IRF5: variants seen among roughly 807,000 people sequenced by gnomAD.
IRF5 encodes interferon regulatory factor 5.
In IRF5, 24 loss-of-function variants were observed where a neutral mutation model predicts 55.1. The ratio of observed to expected loss-of-function variants is 0.44; its 90% CI spans 0.32 to 0.61. The LOEUF is 0.61. Ranked by LOEUF, IRF5 falls within the 20% of genes least tolerant of loss-of-function variation. The probability of loss-of-function intolerance (pLI) is 0.07; values close to 1 mark genes in which losing one functional copy is unlikely to be tolerated. For synonymous variants in IRF5, 258 were observed against 260.2 expected, an observed-to-expected ratio of 0.99 and a Z score of 0.08; for missense variants, 499 against 658.5, an observed-to-expected ratio of 0.76 and a Z score of 2.65.
intron 2 of IRF5, among the ~76,000 whole-genome samples, chr7:128,945,288 A>G (rs1034120480): frequency 3.3e-5 from 5 of 152,096 alleles, no homozygotes; most frequent in East Asian, 1.9e-4. Context: ...AATTTTTTGT[A>G]AAGACAGGAG....
rs773857640 is a variant in IRF5 at position 128,942,455 on chromosome 7, C to CA, written c.195+179_195+180insA. On this transcript the variant is annotated intron_variant, in intron 2 of 8. Transcript: ENST00000357234. ...CGTAGACACAGGGTACACCTTTTTCCTTTTTTTTTTTTTTTAAGACAGAGT... is the reference window on the plus strand; with the variant it reads ...CGTAGACACAGGGTACACCTTTTTCCATTTTTTTTTTTTTTTAAGACAGAGT... Among the ~76,000 whole-genome samples, 11 of 144,370 alleles carry CA rather than the reference C, an allele frequency of 7.6e-5. No individual in the cohort carries two copies. The East Asian group carries it at 2.2e-3, about 29-fold the overall frequency. 94.7% of individuals were successfully genotyped at this position (144,370 alleles called of 152,430 possible).
intron 2 of IRF5, among the ~76,000 whole-genome samples, chr7:128,944,847 C>G (rs1026441859): frequency 6.6e-6 from 1 of 152,226 alleles, no homozygotes; most frequent in African/African-American, 2.4e-5. Context: ...TCACCAGCCC[C>G]TCATTGATGG....
chr7:128,939,268 G>A (rs1321025035), intron 1 of IRF5, among the ~76,000 whole-genome samples: 1 of 152,134 alleles, frequency 6.6e-6, no homozygotes, highest in Non-Finnish European at 1.5e-5. Context: ...AAGAGTCAAG[G>A]GAAGCACTGG....
In IRF5 at chr7:128,949,783, TTAATA is replaced by T. The variant is rs752638628; in HGVS notation, c.*968_*972del. Reference sequence around the variant, plus strand: ...GTGCATGTAAATCATCCTGATATATTTAATATATTTATTATATTGTCCCCCGAGGT... The same window carrying T: ...GTGCATGTAAATCATCCTGATATATTTATTTATTATATTGTCCCCCGAGGT... On this transcript the variant is annotated 3_prime_UTR_variant, in exon 9 of 9. Transcript: ENST00000357234. 1.3e-5 allele frequency: 2 copies of T among 152,196 alleles called. No individual in the cohort carries two copies. Among genetic ancestry groups the T allele is most frequent in the Admixed American group, 6.5e-5 (1 of 15,278 alleles). 9.4% of individuals were successfully genotyped at this position (152,196 alleles called of 1,614,324 possible).
Position 128,946,405 on chromosome 7 carries a change from A to C in IRF5, c.386-96A>C. On this transcript the variant is annotated intron_variant, in intron 3 of 8. Coordinates refer to ENST00000357234, the MANE Select transcript of IRF5 (RefSeq NM_001098629.3). This position sits in a 1 kb window ranked among gnomAD's most constrained non-coding sequence, Gnocchi z 4.2. Reference sequence around the variant, plus strand: ...TGGGGGCAGCTTTGGGGAAGGCAGAAGCTGCATAGGAGCTACAGGCAGCCT... The same window carrying C: ...TGGGGGCAGCTTTGGGGAAGGCAGACGCTGCATAGGAGCTACAGGCAGCCT... The C allele has an allele frequency of 6.9e-7, 1 of 1,446,148 alleles. No homozygotes were observed. 89.6% of individuals were successfully genotyped at this position (1,446,148 alleles called of 1,614,324 possible).
At position 128,947,741 on chromosome 7, in the gene IRF5, A is replaced by G; in HGVS notation, c.800A>G (p.Glu267Gly). The G allele has an allele frequency of 6.2e-7, 1 of 1,607,592 alleles. No individual in the cohort carries two copies. The highest frequency in any genetic ancestry group is 8.5e-7 in the Non-Finnish European group (1 of 1,178,396). Residue 267 changes from glutamate to glycine, a missense_variant, in exon 7 of 9, where the codon GAG (glutamate) becomes GGG (glycine). Physicochemically the swap from Glu to Gly is moderately conservative, Grantham distance 98. Transcript: ENST00000357234. The surrounding 1 kb of genome is among the most constrained non-coding windows in gnomAD (Gnocchi z 6.5). ...SPHMLPLTDL[E>G]IKFQYRGRPP... is the part of the protein sequence containing the mutation. ...TTCTGCCCCACAGTGACCGACCTGG[A>G]GATCAAGTTTCAGTACCGGGGGCGG...
Position 128,947,404 on chromosome 7 carries a change from C to T in IRF5, c.656C>T (p.Pro219Leu), listed in dbSNP as rs1796375989. 2 of 1,610,742 alleles carry T rather than the reference C, an allele frequency of 1.2e-6. No homozygotes were observed. The highest frequency in any genetic ancestry group is 1.1e-5 in the South Asian group (1 of 90,776). ...PAPDPSPLAP[P>L]PGNPAGFREL... is the part of the protein sequence containing the mutation. The stretch of plus-strand genomic sequence containing the variant: ...CCAGACCCCAGCCCCCTGGCTCCTC[C>T]CCCTGGCAACCCTGCTGGCTTCAGG... Residue 219 changes from proline (P) to leucine (L), a missense_variant, in exon 6 of 9, where the codon CCC (proline) becomes CTC (leucine). Pro to Leu is a moderately conservative substitution (Grantham distance 98). Transcript: ENST00000357234. This position sits in a 1 kb window ranked among gnomAD's most constrained non-coding sequence, Gnocchi z 6.5.
Position 128,947,502 on chromosome 7 carries a change from C to T in IRF5, c.754C>T (p.Pro252Ser), listed in dbSNP as rs748171902. ...GCCCCCTGCAGGCGAACAGCTCCTG[C>T]CAGACCTGCTGATCAGCCCCCACAT... ...SLPPAGEQLL[P>S]DLLISPHMLP... Residue 252 changes from proline (P) to serine (S), a missense_variant, in exon 6 of 9, where the codon CCA (proline) becomes TCA (serine). This residue lies in a region of IRF5 where 305 missense variants were observed against 340.2 expected (regional missense o/e 0.90). Coordinates refer to ENST00000357234, the MANE Select transcript of IRF5 (RefSeq NM_001098629.3). This position sits in a 1 kb window ranked among gnomAD's most constrained non-coding sequence, Gnocchi z 6.5. The T allele has an allele frequency of 2.5e-6, 4 of 1,590,700 alleles. No individual in the cohort carries two copies. Among genetic ancestry groups the T allele is most frequent in the Middle Eastern group, 1.7e-4 (1 of 5,926 alleles).
upstream of IRF5, chr7:128,937,910 CCAGGGG>C (rs1795822381): frequency 6.6e-6 from 1 of 152,494 alleles, no homozygotes; most frequent in African/African-American, 2.4e-5. Context: ...CAGCAGCTGC[CCAGGGG>C]CGGGGGCGGC....
At chr7:128,943,707 ATTTTTTTTTTTTTTTTTTTTTTTTT>A (rs61451031) in intron 2 of IRF5, among the ~76,000 whole-genome samples, 1 of 71,948 alleles carries the variant, frequency 1.4e-5, no homozygotes, top group East Asian at 6.3e-4. Flanking sequence ...TGCCCGGCTA[ATTTTTTTTTTTTTTTTTTTTTTTTT>A]TTTTTTTTTT....
chr7:128,938,516 C>T (rs898529810), intron 1 of IRF5, among the ~76,000 whole-genome samples: 1 of 152,208 alleles, frequency 6.6e-6, no homozygotes, highest in Admixed American at 6.5e-5. Context: ...TTGCTCTTAC[C>T]GGGCCACCCT....
In IRF5 at chr7:128,947,445, G is replaced by C. The variant is rs765669086; in HGVS notation, c.697G>C (p.Val233Leu). The part of the protein sequence containing the change: ...PAGFRELLSE[V>L]LEPGPLPASL... ...TGGCTTCAGGGAGCTTCTCTCTGAG[G>C]TCCTGGAGCCTGGGCCCCTGCCTGC... The change falls in exon 6 of 9, where the codon GTC becomes CTC. Residue 233 changes from valine to leucine, a missense_variant. This residue lies in a region of IRF5 where 305 missense variants were observed against 340.2 expected (regional missense o/e 0.90). Transcript: ENST00000357234. The surrounding 1 kb of genome is among the most constrained non-coding windows in gnomAD (Gnocchi z 6.5). 3 of 1,611,956 alleles carry C rather than the reference G, an allele frequency of 1.9e-6. No homozygotes were observed. In the African/African-American group the frequency reaches 4.0e-5, roughly 22 times the overall value.
At chr7:128,939,427 G>A (rs898287868) in intron 1 of IRF5, among the ~76,000 whole-genome samples, 2 of 152,160 alleles carry the variant, frequency 1.3e-5, no homozygotes, top group African/African-American at 4.8e-5. Flanking sequence ...GGACCAGGTG[G>A]GCAGCAGGGC....
In IRF5 at chr7:128,949,208, C is replaced by T. The variant is rs1378004129; in HGVS notation, c.*390C>T. 5.0e-6 allele frequency: 1 copy of T among 198,880 alleles called. No individual in the cohort carries two copies. The highest frequency in any genetic ancestry group is 1.0e-5 in the Non-Finnish European group (1 of 97,220). The allele number at this position is 198,880 out of a possible 1,614,324, so 12.3% of individuals were successfully genotyped here. A position where few individuals can be genotyped will look rare whatever the true frequency, so the allele number is the denominator to read the frequency against. ...CCACAGGGCCTCTGCAGGGCATGGC[C>T]CTGATTTCCCTGGTTTGAGACTCAC... On this transcript the variant is annotated 3_prime_UTR_variant, in exon 9 of 9. Coordinates refer to ENST00000357234, the MANE Select transcript of IRF5 (RefSeq NM_001098629.3).
rs71162542 is a variant in IRF5 at position 128,943,541 on chromosome 7, ATTT to A, written c.195+1280_195+1282del. On this transcript the variant is annotated intron_variant, in intron 2 of 8. Coordinates refer to ENST00000357234, the MANE Select transcript of IRF5 (RefSeq NM_001098629.3). ...AGGTGCATGCCACCATGCCCAGCTAATTTTTTTTTTTTTTTTTGAGATGGAGTC... is the reference window on the plus strand; with the variant it reads ...AGGTGCATGCCACCATGCCCAGCTAATTTTTTTTTTTTTTGAGATGGAGTC... Among the ~76,000 whole-genome samples, 22 of 107,854 alleles carry A rather than the reference ATTT, an allele frequency of 2.0e-4. No individual in the cohort carries two copies. In the South Asian group the frequency reaches 2.4e-3, roughly 12 times the overall value. The allele number at this position is 107,854 out of a possible 152,430, so 70.8% of individuals were successfully genotyped here. A position where few individuals can be genotyped will look rare whatever the true frequency, so the allele number is the denominator to read the frequency against.
chr7:128,942,610 G>A (rs559857009), intron 2 of IRF5, among the ~76,000 whole-genome samples: 6 of 152,058 alleles, frequency 3.9e-5, no homozygotes, highest in African/African-American at 1.2e-4. Flanking sequence ...GAGCCACCAC[G>A]CCTGGCCTAG....
chr7:128,943,760 A>G (rs1796164428), intron 2 of IRF5, among the ~76,000 whole-genome samples: 1 of 109,650 alleles, frequency 9.1e-6, no homozygotes. Context: ...TGGTAAAGAC[A>G]GGGTTTCACC....
chr7:128,946,562 G>T lies in IRF5; in HGVS notation c.447G>T (p.Glu149Asp). Residue 149 changes from glutamate to aspartate, a missense_variant and splice_region_variant, in exon 4 of 9, where the codon GAG becomes GAT. Transcript: ENST00000357234. The surrounding 1 kb of genome is among the most constrained non-coding windows in gnomAD (Gnocchi z 4.2). ...GAGAGGAGGAGGAAGAAGAGGAAGA[G>T]GTGAGTGTGGGTTGAGGAGGCAGGT... ...GAGEEEEEEE[E>D]LQRMLPSLSL... The T allele has an allele frequency of 1.3e-6, 2 of 1,591,566 alleles. No homozygotes were observed. Among genetic ancestry groups the T allele is most frequent in the Non-Finnish European group, 8.6e-7 (1 of 1,165,532 alleles).
chr7:128,948,835 G>T lies in IRF5; in HGVS notation c.*17G>T. 6.3e-7 allele frequency: 1 copy of T among 1,594,140 alleles called. No homozygotes were observed. Among genetic ancestry groups the T allele is most frequent in the South Asian group, 1.1e-5 (1 of 90,742 alleles). The stretch of plus-strand genomic sequence containing the variant: ...ATGCAATAACAAGGCTGCAGACGGT[G>T]ACTGGCCCTGGCTTCCTGGGTGGCG... On this transcript the variant is annotated 3_prime_UTR_variant, in exon 9 of 9. Transcript: ENST00000357234. This position sits in a 1 kb window ranked among gnomAD's most constrained non-coding sequence, Gnocchi z 4.6.
Sources: allele counts gnomAD v4.1 joint callset (sites outside exome capture counted in the v4.1 genomes callset), GRCh38; gene constraint gnomAD v4.1.1; regional missense constraint gnomAD v4.1.1; non-coding constraint Gnocchi (gnomAD v3.1); transcripts MANE v1.5; gene names NCBI Gene and HGNC (gene_info 2026-07-23, HGNC 2026-07-21).